Variants in LDLRAD3 observed in about 807,000 individuals in gnomAD.
LDLRAD3 encodes low-density lipoprotein receptor class A domain-containing protein 3.
LDLRAD3 carries 20 observed loss-of-function variants against 29.4 expected under a neutral mutation model. That is an observed-to-expected ratio of 0.68 (90% confidence interval 0.48 to 0.99). LDLRAD3 has a LOEUF of 0.99. LDLRAD3 is among the 50% of genes least tolerant of loss of function. The probability of loss-of-function intolerance (pLI) is 0.00; values close to 1 mark genes in which losing one functional copy is unlikely to be tolerated. For synonymous variants in LDLRAD3, 157 were observed against 192.7 expected, an observed-to-expected ratio of 0.81 and a Z score of 1.53; for missense variants, 420 against 454.3, an observed-to-expected ratio of 0.92 and a Z score of 0.69.
rs117013944 is a variant in LDLRAD3 at position 35,961,742 on chromosome 11, A to C, written c.46+17598A>C. On this transcript the variant is annotated intron_variant, in intron 1 of 5. Transcript: ENST00000315571. ...CTCTAACAACAATGAGAATATTAAA[A>C]TTTTTTTAAAATTTAAAATTTTTGT... Among the ~76,000 whole-genome samples, 11 of 152,262 alleles carry C rather than the reference A, an allele frequency of 7.2e-5. No homozygotes were observed. The East Asian group carries it at 1.7e-3, about 24-fold the overall frequency.
At chr11:36,176,305 T>C (rs1854674732) in intron 4 of LDLRAD3, among the ~76,000 whole-genome samples, 1 of 152,188 alleles carries the variant, frequency 6.6e-6, no homozygotes, top group African/African-American at 2.4e-5. Flanking sequence ...TTACTTTCAA[T>C]GTTAGTATTG....
chr11:36,167,289 C>T (rs7933303), intron 4 of LDLRAD3, among the ~76,000 whole-genome samples: 10,284 of 152,202 alleles, frequency 0.068, 555 homozygotes, highest in East Asian at 0.32. Flanking sequence ...CCCGCCCACA[C>T]TATTTGCTTG....
chr11:36,093,355 C>T (rs1013554761), intron 3 of LDLRAD3, among the ~76,000 whole-genome samples: 5 of 151,996 alleles, frequency 3.3e-5, no homozygotes, highest in Admixed American at 6.6e-5. Context: ...CTCAGCCATA[C>T]GTCTTTGGGA....
chr11:36,222,339 C>A (rs999055816), intron 4 of LDLRAD3, among the ~76,000 whole-genome samples: 2 of 152,138 alleles, frequency 1.3e-5, no homozygotes, highest in Non-Finnish European at 2.9e-5. Flanking sequence ...CCTACTTTCA[C>A]CTCCCAAAGA....
chr11:36,026,649 G>C (rs546584944), intron 1 of LDLRAD3, among the ~76,000 whole-genome samples: 1 of 152,342 alleles, frequency 6.6e-6, no homozygotes, highest in South Asian at 2.1e-4. Flanking sequence ...CACCAAAAGC[G>C]AGATGGCGAG....
intron 4 of LDLRAD3, among the ~76,000 whole-genome samples, chr11:36,148,404 G>T (rs556993771): frequency 9.9e-5 from 15 of 152,154 alleles, no homozygotes; most frequent in African/African-American, 3.6e-4. Context: ...TGACTGTAGG[G>T]GCATCTCGGT....
intron 1 of LDLRAD3, among the ~76,000 whole-genome samples, chr11:36,021,766 T>G (rs1368696069): frequency 3.3e-5 from 5 of 152,182 alleles, no homozygotes; most frequent in Non-Finnish European, 1.5e-5. Context: ...CTCAGCCTCC[T>G]GAGTAGCTGT....
At chr11:36,088,254 G>T (rs72640804) in intron 3 of LDLRAD3, among the ~76,000 whole-genome samples, 9 of 151,696 alleles carry the variant, frequency 5.9e-5, no homozygotes, top group Admixed American at 5.9e-4. Flanking sequence ...TCTTTCTTCC[G>T]CTGTCCTCAT....
intron 2 of LDLRAD3, among the ~76,000 whole-genome samples, chr11:36,079,368 G>GGAGGAT (rs146000409): frequency 1.3e-5 from 2 of 152,142 alleles, no homozygotes; most frequent in Non-Finnish European, 1.5e-5. Context: ...GTGATGATGA[G>GGAGGAT]GAGGATGAGG....
At chr11:36,225,978 G>A (rs1279283648) in intron 4 of LDLRAD3, among the ~76,000 whole-genome samples, 12 of 152,128 alleles carry the variant, frequency 7.9e-5, no homozygotes, top group Admixed American at 3.3e-4. Context: ...TGAGGTGAGA[G>A]AATTGCTTGA....
At chr11:36,065,238 T>C (rs1852772657) in intron 2 of LDLRAD3, among the ~76,000 whole-genome samples, 1 of 152,232 alleles carries the variant, frequency 6.6e-6, no homozygotes, top group South Asian at 2.1e-4. Context: ...TAGAAGACAT[T>C]GGCTATTTTA....
At chr11:36,183,424 A>G (rs886653193) in intron 4 of LDLRAD3, among the ~76,000 whole-genome samples, 5 of 152,240 alleles carry the variant, frequency 3.3e-5, no homozygotes, top group Non-Finnish European at 5.9e-5. Context: ...AAAGTAAAAC[A>G]TGTTGACCAT....
intron 4 of LDLRAD3, among the ~76,000 whole-genome samples, chr11:36,126,164 C>T (rs538326531): frequency 1.1e-4 from 16 of 152,284 alleles, no homozygotes; most frequent in South Asian, 1.0e-3. Context: ...GTTAGAACCC[C>T]ACCACTGCTC....
At chr11:36,089,706 A>T (rs1853248486) in intron 3 of LDLRAD3, among the ~76,000 whole-genome samples, 2 of 150,534 alleles carry the variant, frequency 1.3e-5, no homozygotes, top group Admixed American at 6.6e-5. Flanking sequence ...TTCAATTGAT[A>T]CTCCCATCTC....
intron 4 of LDLRAD3, among the ~76,000 whole-genome samples, chr11:36,109,231 G>A (rs747140388): frequency 1.3e-5 from 2 of 152,126 alleles, no homozygotes; most frequent in Non-Finnish European, 2.9e-5. Flanking sequence ...TGTCATGGAC[G>A]GGGGAAGAAC....
chr11:35,993,258 G>A (rs1851711559), intron 1 of LDLRAD3, among the ~76,000 whole-genome samples: 1 of 152,174 alleles, frequency 6.6e-6, no homozygotes, highest in African/African-American at 2.4e-5. Context: ...TACCAGCAAG[G>A]AATAGCCTCC....
chr11:36,040,727 C>G (rs1852370091), intron 2 of LDLRAD3, among the ~76,000 whole-genome samples: 1 of 152,146 alleles, frequency 6.6e-6, no homozygotes, highest in Admixed American at 6.5e-5. Flanking sequence ...AGGGAAGGCG[C>G]CTTTTCTGGC....
chr11:36,041,510 T>TA (rs1376213369), intron 2 of LDLRAD3, among the ~76,000 whole-genome samples: 1 of 152,258 alleles, frequency 6.6e-6, no homozygotes, highest in Non-Finnish European at 1.5e-5. Flanking sequence ...AAAAAGATTC[T>TA]AAAAACGTCA....
chr11:36,165,339 T>C (rs1400183087), intron 4 of LDLRAD3, among the ~76,000 whole-genome samples: 1 of 152,092 alleles, frequency 6.6e-6, no homozygotes, highest in Non-Finnish European at 1.5e-5. Context: ...GTGATGGCTT[T>C]AAACCTTTTT....
Sources: gnomAD v4.1 joint callset for allele counts (sites outside exome capture counted in the v4.1 genomes callset) on GRCh38, gnomAD v4.1.1 for gene constraint, MANE v1.5 for transcripts, NCBI Gene and HGNC (gene_info 2026-07-23, HGNC 2026-07-21) for gene names.